DMBT1: variants seen among roughly 807,000 people sequenced by gnomAD.
DMBT1 encodes the protein scavenger receptor cysteine-rich domain-containing protein DMBT1.
A neutral mutation model predicts 252.9 loss-of-function variants in DMBT1; 198 were observed. The ratio of observed to expected loss-of-function variants is 0.78; its 90% confidence interval spans 0.70 to 0.88. DMBT1 has a LOEUF of 0.88. DMBT1 is among the 40% of genes least tolerant of loss of function. The pLI, the probability that DMBT1 is intolerant of heterozygous loss-of-function variation, is 0.00. For missense variants in DMBT1, 2,432 were observed against 2,404.7 expected (o/e 1.01, Z -0.24); for synonymous variants, 990 against 942.7 (o/e 1.05, Z -0.92).
intron 52 of DMBT1, among the ~76,000 whole-genome samples, chr10:122,634,457 TCTC>T (rs1566009117): frequency 0.023 from 2,255 of 99,966 alleles, 39 homozygotes; most frequent in South Asian, 0.097. Context: ...TCTCTCTCTC[TCTC>T]TCTCTCTCTC....
At chr10:122,588,882 T>C in intron 16 of DMBT1, 62 bp from the exon 17 acceptor site, 1 of 1,581,248 alleles carries the variant, frequency 6.3e-7, no homozygotes, top group Non-Finnish European at 8.6e-7. Context: ...GAGTGTGGAA[T>C]GTGCCTTAGA....
chr10:122,626,107 C>T, intron 46 of DMBT1, 142 bp downstream of exon 46: 1 of 702,762 alleles, frequency 1.4e-6, no homozygotes. Context: ...TACCCTTCAC[C>T]TCTTCATTTG....
chr10:122,593,544 T>G lies in DMBT1; in HGVS notation c.2501-25T>G, dbSNP rs1334383198. 2.5e-6 allele frequency: 4 copies of G among 1,586,298 alleles called. No individual in the cohort carries two copies. The African/African-American group carries it at 5.4e-5, about 21-fold the overall frequency. On this transcript the variant is annotated intron_variant, in intron 20 of 55. Transcript: ENST00000338354. ...CGACTTCTGTGTAATGTTCCTGATC[T>G]GACCTTCTCTTCTCTTTCTCACAGT...
Position 122,585,172 on chromosome 10 carries a change from G to A in DMBT1, c.1421-99G>A, listed in dbSNP as rs2097778735. The A allele has an allele frequency of 1.0e-5, 15 of 1,430,118 alleles. 1 individual carries two copies. Among genetic ancestry groups the A allele is most frequent in the Non-Finnish European group, 1.5e-5 (15 of 1,029,156 alleles). The allele number at this position is 1,430,118 out of a possible 1,614,324, so 88.6% of individuals were successfully genotyped here. On this transcript the variant is annotated intron_variant, in intron 14 of 55. Coordinates refer to ENST00000338354, the MANE Select transcript of DMBT1 (RefSeq NM_001377530.1). Reference sequence around the variant, plus strand: ...AGCAAAGTGGCAGGAATCAGAAGTGGGGTAGTTTTCATGATGCTCGCCTTC... The same window carrying A: ...AGCAAAGTGGCAGGAATCAGAAGTGAGGTAGTTTTCATGATGCTCGCCTTC...
chr10:122,574,527 C>T (rs1415246859), intron 6 of DMBT1, among the ~76,000 whole-genome samples: 1 of 152,156 alleles, frequency 6.6e-6, no homozygotes, highest in Non-Finnish European at 1.5e-5. Flanking sequence ...TCCCTCTGGC[C>T]CATGGGGTGA....
At chr10:122,576,893 T>G (rs2097717177) in intron 7 of DMBT1, among the ~76,000 whole-genome samples, 171 bp downstream of exon 7, 1 of 152,206 alleles carries the variant, frequency 6.6e-6, no homozygotes, top group African/African-American at 2.4e-5. Flanking sequence ...GGGCCCATTC[T>G]GGGGACAGAC....
In DMBT1 at chr10:122,625,964, A is replaced by G. The variant is rs375754656; in HGVS notation, c.5667A>G (p.Ala1889=). The G allele has an allele frequency of 2.2e-4, 348 of 1,611,348 alleles. No homozygotes were observed. Among genetic ancestry groups the G allele is most frequent in the Non-Finnish European group, 2.9e-4 (339 of 1,177,536 alleles). ...GGCATCCAACAACTACAACCACTGC[A>G]AGTAGGTATCACATTTTCTACCTGA... ...DWWHPTTTTT[A]RPSSNCGGFL... is the part of the protein sequence containing the mutation. The change falls in exon 46 of 56, where the codon GCA becomes GCG. Residue 1889 remains alanine, a splice_region_variant and synonymous_variant. Transcript: ENST00000338354.
chr10:122,634,439 TCTCTCTCTCTCTCTCTCTC>T (rs1566007534), intron 52 of DMBT1, among the ~76,000 whole-genome samples: 3 of 49,660 alleles, frequency 6.0e-5, no homozygotes, highest in African/African-American at 2.6e-4. Context: ...CTTCTCTCTC[TCTCTCTCTCTCTCTCTCTC>T]TCTCTCTCTC....
At position 122,643,157 on chromosome 10, in the gene DMBT1, C is replaced by T. The variant is rs200864849; in HGVS notation, c.7388C>T (p.Ser2463Leu). 10 of 1,613,950 alleles carry T rather than the reference C, an allele frequency of 6.2e-6. No homozygotes were observed. The highest frequency in any genetic ancestry group is 1.3e-5 in the African/African-American group (1 of 75,020). ...GATGACACCTACGGACCCTACTCCT[C>T]GCCATCTCTTCGCATTGCCCGCTTC... Reference protein sequence around the residue: ...VRDDTYGPYSSPSLRIARFRF... With the variant: ...VRDDTYGPYSLPSLRIARFRF... The change falls in exon 56 of 56, where the codon TCG (serine) becomes TTG (leucine). Residue 2463 changes from serine (S) to leucine (L), a missense_variant. Coordinates refer to ENST00000338354, the MANE Select transcript of DMBT1 (RefSeq NM_001377530.1).
At chr10:122,572,469 G>A (rs557608307) in intron 5 of DMBT1, 108 bp downstream of exon 5, 63 of 1,473,456 alleles carry the variant, frequency 4.3e-5, no homozygotes, top group Admixed American at 1.2e-4. Flanking sequence ...GTGTGCTGGC[G>A]TCAGGTGCTC....
chr10:122,635,906 G>A (rs2098223281), intron 52 of DMBT1, 85 bp from the exon 53 acceptor site: 3 of 1,435,482 alleles, frequency 2.1e-6, no homozygotes, highest in Non-Finnish European at 2.9e-6. Flanking sequence ...TTCTGGCACA[G>A]AGGTGTGACC....
At chr10:122,562,830 A>T (rs1217905947) in intron 1 of DMBT1, among the ~76,000 whole-genome samples, 1 of 152,214 alleles carries the variant, frequency 6.6e-6, no homozygotes, top group Non-Finnish European at 1.5e-5. Flanking sequence ...AAATCTTCTA[A>T]CATTGCTGAA....
Position 122,570,881 on chromosome 10 carries a change from A to G in DMBT1, c.140-9A>G. 6.2e-7 allele frequency: 1 copy of G among 1,613,040 alleles called. No individual in the cohort carries two copies. Among genetic ancestry groups the G allele is most frequent in the Admixed American group, 1.7e-5 (1 of 60,004 alleles). On this transcript the variant is annotated splice_polypyrimidine_tract_variant and intron_variant, in intron 3 of 55. Transcript: ENST00000338354. ...CCATCAATGAGCTCTTCCTTTCTCC[A>G]CCCTGCAGGTTCTCCATTTCCCTCG... is the stretch of plus-strand genomic sequence containing the variant.
At position 122,621,045 on chromosome 10, in the gene DMBT1, G is replaced by T. The variant is rs748639007; in HGVS notation, c.5285-12G>T. 3 of 1,612,754 alleles carry T rather than the reference G, an allele frequency of 1.9e-6. No homozygotes were observed. Among genetic ancestry groups the T allele is most frequent in the Non-Finnish European group, 2.5e-6 (3 of 1,179,712 alleles). On this transcript the variant is annotated splice_polypyrimidine_tract_variant and intron_variant, in intron 43 of 55. Coordinates refer to ENST00000338354, the MANE Select transcript of DMBT1 (RefSeq NM_001377530.1). ...ATCAGTATGGATGAAGGGTTCTTGT[G>T]TTCCCCTGTAGGATCTGAATCCAGT...
At position 122,638,968 on chromosome 10, in the gene DMBT1, G is replaced by A. The variant is rs142548720; in HGVS notation, c.6943-1072G>A. On this transcript the variant is annotated intron_variant, in intron 54 of 55. Coordinates refer to ENST00000338354, the MANE Select transcript of DMBT1 (RefSeq NM_001377530.1). ...TATTCCCACTTAATTATGAGGCAACGGAGGCTTGCAGAAGGTAAGCCACTT... is the reference window on the plus strand; with the variant it reads ...TATTCCCACTTAATTATGAGGCAACAGAGGCTTGCAGAAGGTAAGCCACTT... Among the ~76,000 whole-genome samples the A allele has an allele frequency of 3.8e-3, 575 of 152,310 alleles. 1 individual carries two copies. The highest frequency in any genetic ancestry group is 5.7e-3 in the Non-Finnish European group (390 of 68,022).
At position 122,643,364 on chromosome 10, in the gene DMBT1, A is replaced by C; in HGVS notation, c.7595A>C (p.Gln2532Pro). 1.2e-6 allele frequency: 2 copies of C among 1,613,850 alleles called. No individual in the cohort carries two copies. Among genetic ancestry groups the C allele is most frequent in the South Asian group, 1.1e-5 (1 of 91,046 alleles). Residue 2532 changes from glutamine (Q) to proline (P), a missense_variant, in exon 56 of 56, where the codon CAG becomes CCG. By Grantham distance (76) the Gln-to-Pro change is moderately conservative (BLOSUM62 -1). Transcript: ENST00000338354. ...VDVVLGPIQL[Q>P]TPPRREEEPR ...GTCGTCCTGGGTCCCATCCAGCTGC[A>C]GACCCCCCCACGCCGAGAAGAGGAG...
At chr10:122,572,200 G>A (rs1258377504) in intron 4 of DMBT1, 114 bp from the exon 5 acceptor site, 4 of 1,428,900 alleles carry the variant, frequency 2.8e-6, no homozygotes, top group Non-Finnish European at 3.9e-6. Flanking sequence ...AGCAATGGAG[G>A]TTGCCTTTAG....
In DMBT1 at chr10:122,566,004, C is replaced by A. The variant is rs1320918351; in HGVS notation, c.91+8C>A. 24 of 1,613,734 alleles carry A rather than the reference C, an allele frequency of 1.5e-5. No homozygotes were observed. The highest frequency in any genetic ancestry group is 2.0e-5 in the Non-Finnish European group (24 of 1,179,772). On this transcript the variant is annotated splice_region_variant and intron_variant, in intron 2 of 55. Transcript: ENST00000338354. ...CAAGGACTACAGACTACGGTAAGAC[C>A]TTTTCTTCACTCCTCTTCCCTGGTG... is the stretch of plus-strand genomic sequence containing the variant.
At chr10:122,562,226 T>A (rs1243239322) in intron 1 of DMBT1, among the ~76,000 whole-genome samples, 1 of 152,122 alleles carries the variant, frequency 6.6e-6, no homozygotes, top group Non-Finnish European at 1.5e-5. Context: ...ATGTCATCTT[T>A]TGCTAGATTT....
Sources: gnomAD v4.1 joint callset for allele counts (sites outside exome capture counted in the v4.1 genomes callset) on GRCh38, gnomAD v4.1.1 for gene constraint, MANE v1.5 for transcripts, NCBI Gene and HGNC (gene_info 2026-07-23, HGNC 2026-07-21) for gene names.